The following TMEM248 variants were observed in gnomAD, a reference collection of about 807,000 sequenced individuals.
TMEM248 encodes UPF0458 protein C7orf42.
TMEM248 carries 9 observed loss-of-function variants against 30.3 expected under a neutral mutation model. The observed-to-expected ratio is 0.30, with a 90% confidence interval of 0.18 to 0.52. TMEM248 has a LOEUF of 0.52. Among genes scored for constraint, TMEM248 ranks in the 20% least tolerant of loss-of-function variants. The pLI is 0.97. For missense variants in TMEM248, 338 were observed against 403.3 expected (o/e 0.84, Z 1.39); for synonymous variants, 184 against 154.4 (o/e 1.19, Z -1.42).
chr7:66,941,470 G>C (rs1170897273), intron 1 of TMEM248, among the ~76,000 whole-genome samples: 1 of 151,616 alleles, frequency 6.6e-6, no homozygotes, highest in Non-Finnish European at 1.5e-5. Flanking sequence ...TGGGAGGATA[G>C]CTTAAGCCTA....
At chr7:66,942,440 A>G (rs1208487007) in intron 2 of TMEM248, among the ~76,000 whole-genome samples, 3 of 152,188 alleles carry the variant, frequency 2.0e-5, no homozygotes, top group Non-Finnish European at 2.9e-5. Flanking sequence ...GGTTTTTTTC[A>G]TGAGATAAGA....
At chr7:66,936,944 T>C (rs1791819445) in intron 1 of TMEM248, among the ~76,000 whole-genome samples, 2 of 152,158 alleles carry the variant, frequency 1.3e-5, no homozygotes, top group Admixed American at 6.5e-5. Context: ...CTGATCTTTA[T>C]TATTTCTTCT....
chr7:66,926,298 T>C (rs1791522609), intron 1 of TMEM248, among the ~76,000 whole-genome samples: 2 of 151,986 alleles, frequency 1.3e-5, no homozygotes, highest in Non-Finnish European at 2.9e-5. Context: ...CTCAAACAAC[T>C]CAGTAGCAAG....
At chr7:66,938,354 C>G (rs1466707307) in intron 1 of TMEM248, among the ~76,000 whole-genome samples, 13 of 151,918 alleles carry the variant, frequency 8.6e-5, no homozygotes, top group Admixed American at 8.5e-4. Flanking sequence ...CTTTATAGGA[C>G]AGTGAAAACA....
chr7:66,951,165 T>TGC (rs762393945), intron 5 of TMEM248, 30 bp downstream of exon 5: 12 of 1,531,910 alleles, frequency 7.8e-6, no homozygotes, highest in Middle Eastern at 1.7e-4. Flanking sequence ...TGTGTGTGTG[T>TGC]GCGTGCATGC....
chr7:66,921,664 C>G (rs1383011946), intron 1 of TMEM248, among the ~76,000 whole-genome samples: 2 of 152,202 alleles, frequency 1.3e-5, no homozygotes, highest in African/African-American at 2.4e-5. Context: ...CTGGGGTTTG[C>G]CCACTCGCGT....
chr7:66,949,329 A>T (rs1426927431), intron 4 of TMEM248, among the ~76,000 whole-genome samples: 1 of 152,088 alleles, frequency 6.6e-6, no homozygotes, highest in African/African-American at 2.4e-5. Context: ...TCTACTAAAA[A>T]TATAAAAATT....
chr7:66,943,613 G>A (rs1247926438), intron 2 of TMEM248, among the ~76,000 whole-genome samples: 2 of 152,160 alleles, frequency 1.3e-5, no homozygotes, highest in Non-Finnish European at 2.9e-5. Context: ...CTAGGATTAT[G>A]AAGGACTGAG....
intron 1 of TMEM248, among the ~76,000 whole-genome samples, chr7:66,939,158 C>G (rs13437994): frequency 0.09 from 13,686 of 152,260 alleles, 760 homozygotes; most frequent in Non-Finnish European, 0.11. Flanking sequence ...TGGAATGGAG[C>G]AGGCTCCTTC....
rs188255562 is a variant in TMEM248 at position 66,926,084 on chromosome 7, C to T, written c.-19+4623C>T. 2.0e-3 allele frequency among the ~76,000 whole-genome samples: 303 copies of T among 152,252 alleles called. 1 individual carries two copies. Among genetic ancestry groups the T allele is most frequent in the Non-Finnish European group, 2.9e-3 (200 of 68,020 alleles). On this transcript the variant is annotated intron_variant, in intron 1 of 6. Coordinates refer to ENST00000341567, the MANE Select transcript of TMEM248 (RefSeq NM_017994.5). ...TTGATAAAAGTCATCCTGACAGGCG[C>T]GAGATGATATCTCATTGTGATTTTA...
intron 1 of TMEM248, among the ~76,000 whole-genome samples, chr7:66,940,825 G>A (rs965481877): frequency 1.3e-5 from 2 of 152,218 alleles, no homozygotes; most frequent in Non-Finnish European, 2.9e-5. Context: ...ATAGAATTCA[G>A]CTTTTCAGTG....
rs1360542314 is a variant in TMEM248 at position 66,933,351 on chromosome 7, G to C, written c.-18-8497G>C. On this transcript the variant is annotated intron_variant, in intron 1 of 6. Coordinates refer to ENST00000341567, the MANE Select transcript of TMEM248 (RefSeq NM_017994.5). ...CGCCCAGATCTTGTGTTTTTGATAG[G>C]TACAATACTGGGGAGAAATCCTGCT... Among the ~76,000 whole-genome samples, 5 of 152,198 alleles carry C rather than the reference G, an allele frequency of 3.3e-5. No individual in the cohort carries two copies. In the East Asian group the frequency reaches 9.6e-4, roughly 29 times the overall value.
chr7:66,941,598 A>ACACC (rs1444267298), intron 1 of TMEM248, among the ~76,000 whole-genome samples: 3 of 146,582 alleles, frequency 2.0e-5, no homozygotes, highest in African/African-American at 5.1e-5. Flanking sequence ...ACACACACAC[A>ACACC]ATATTTAGAA....
intron 3 of TMEM248, among the ~76,000 whole-genome samples, chr7:66,947,108 G>T (rs983695152): frequency 6.6e-6 from 1 of 150,826 alleles, no homozygotes; most frequent in Admixed American, 6.6e-5. Flanking sequence ...CCAGCTACTT[G>T]TGAGGCTGAG....
Position 66,950,976 on chromosome 7 carries a change from C to A in TMEM248, c.621C>A (p.Asp207Glu). The change falls in exon 5 of 7, where the codon GAC (aspartate) becomes GAA (glutamate). Residue 207 changes from aspartate (D) to glutamate (E), a missense_variant. Transcript: ENST00000341567. ...GACAGCCACCGCACTGTGTTCCTGACACGTACAGCAACGCCACGCTCTGGT... is the reference window on the plus strand; with the variant it reads ...GACAGCCACCGCACTGTGTTCCTGAAACGTACAGCAACGCCACGCTCTGGT... ...VTVQPPHCVP[D>E]TYSNATLWYK... The A allele has an allele frequency of 6.2e-7, 1 of 1,603,746 alleles. No homozygotes were observed. Among genetic ancestry groups the A allele is most frequent in the Non-Finnish European group, 8.5e-7 (1 of 1,175,608 alleles).
In TMEM248 at chr7:66,921,375, C is replaced by A. The variant is rs1342228103; in HGVS notation, c.-105C>A. The A allele has an allele frequency of 8.0e-5, 12 of 150,288 alleles. No homozygotes were observed. The East Asian group carries it at 1.4e-3, about 17-fold the overall frequency. The allele number at this position is 150,288 out of a possible 1,614,324, so 9.3% of individuals were successfully genotyped here. On this transcript the variant is annotated 5_prime_UTR_variant, in exon 1 of 7. Transcript: ENST00000341567. ...GCGGCCTCGGGCCCGCCACGCGCCG[C>A]CACGAGTGAGCCCAGCGCGACCGCG...
intron 1 of TMEM248, among the ~76,000 whole-genome samples, chr7:66,929,269 G>A (rs983080884): frequency 6.6e-6 from 1 of 151,964 alleles, no homozygotes; most frequent in African/African-American, 2.4e-5. Flanking sequence ...AGATGTTTTA[G>A]GGATCATACA....
chr7:66,953,430 C>T (rs1437886235), intron 6 of TMEM248, 61 bp downstream of exon 6: 3 of 1,571,884 alleles, frequency 1.9e-6, no homozygotes, highest in Non-Finnish European at 2.6e-6. Flanking sequence ...ACAGAAAGTC[C>T]CAGTTATCCT....
At chr7:66,944,951 TTC>T (rs1792054415) in intron 2 of TMEM248, 23 bp from the exon 3 acceptor site, 2 of 1,611,842 alleles carry the variant, frequency 1.2e-6, no homozygotes, top group Non-Finnish European at 1.7e-6. Flanking sequence ...TAACACCCAT[TTC>T]TCTTTCTTTC....
Sources: gnomAD v4.1 joint callset for allele counts (sites outside exome capture counted in the v4.1 genomes callset) on GRCh38, gnomAD v4.1.1 for gene constraint, MANE v1.5 for transcripts, NCBI Gene and HGNC (gene_info 2026-07-23, HGNC 2026-07-21) for gene names.